Variants in SYCE1L observed in about 807,000 individuals in gnomAD.
The protein encoded by SYCE1L is synaptonemal complex central element protein 1-like.
A neutral mutation model predicts 39.6 loss-of-function variants in SYCE1L; 51 were observed. The ratio of observed to expected loss-of-function variants is 1.29; its 90% CI spans 1.03 to 1.63. The LOEUF is 1.63. Ranked by LOEUF, SYCE1L falls within the 40% of genes most tolerant of loss-of-function variation. The pLI, the probability that SYCE1L is intolerant of heterozygous loss-of-function variation, is 0.00. For missense variants in SYCE1L, 426 were observed against 304.9 expected, an observed-to-expected ratio of 1.40 and a Z score of -2.96; for synonymous variants, 147 against 122.4, an observed-to-expected ratio of 1.20 and a Z score of -1.33.
chr16:77,203,811 T>A (rs2054764596), intron 1 of SYCE1L, among the ~76,000 whole-genome samples: 2 of 151,980 alleles, frequency 1.3e-5, no homozygotes, highest in Non-Finnish European at 2.9e-5. Flanking sequence ...GCCAAGCTGG[T>A]CTCGAACTCC....
In SYCE1L at chr16:77,204,212, A is replaced by G. The variant is rs75042163; in HGVS notation, c.62-2229A>G. 6.7e-3 allele frequency among the ~76,000 whole-genome samples: 1,019 copies of G among 152,312 alleles called. 9 individuals carry two copies. The highest frequency in any genetic ancestry group is 0.023 in the African/African-American group (942 of 41,568). On this transcript the variant is annotated intron_variant, in intron 1 of 10. Transcript: ENST00000378644. ...TTGGTCCACCAGGTAGCGTCTAGGT[A>G]GTACTCTATGTGTACCCAGTAGATA...
At chr16:77,212,391 G>A in intron 9 of SYCE1L, 22 bp downstream of exon 9, 1 of 1,525,152 alleles carries the variant, frequency 6.6e-7, no homozygotes, top group Non-Finnish European at 8.8e-7. Flanking sequence ...AGGGAGGAGT[G>A]GGCGAGGAGG....
intron 1 of SYCE1L, 106 bp downstream of exon 1, chr16:77,199,618 A>G: frequency 1.0e-6 from 1 of 991,754 alleles, no homozygotes; most frequent in East Asian, 2.6e-5. Flanking sequence ...AATTTTTTTA[A>G]ATAAAATGTT....
At chr16:77,207,434 G>A (rs192138354) in intron 2 of SYCE1L, among the ~76,000 whole-genome samples, 1 of 152,296 alleles carries the variant, frequency 6.6e-6, no homozygotes, top group African/African-American at 2.4e-5. Flanking sequence ...GAAGTTAGAG[G>A]TGATTCCCTA....
At chr16:77,207,281 C>T (rs1391322413) in intron 2 of SYCE1L, among the ~76,000 whole-genome samples, 1 of 152,160 alleles carries the variant, frequency 6.6e-6, no homozygotes, top group Non-Finnish European at 1.5e-5. Context: ...AGTTTATTAA[C>T]CCCAGAGTGT....
chr16:77,206,665 A>C (rs898100447), intron 2 of SYCE1L, among the ~76,000 whole-genome samples, 165 bp downstream of exon 2: 24 of 152,158 alleles, frequency 1.6e-4, no homozygotes, highest in African/African-American at 5.1e-4. Flanking sequence ...CCCACAGTTC[A>C]AAATTCAAGA....
Position 77,207,026 on chromosome 16 carries a change from A to G in SYCE1L, c.121+526A>G, listed in dbSNP as rs766766679. On this transcript the variant is annotated intron_variant, in intron 2 of 10. Transcript: ENST00000378644. ...ATCACGTCAGTCTATTCCAAACAAA[A>G]GCAGCAGCCTCCCCGCTCCCATTCT... is the stretch of plus-strand genomic sequence containing the variant. Among the ~76,000 whole-genome samples, 7 of 152,132 alleles carry G rather than the reference A, an allele frequency of 4.6e-5. No individual in the cohort carries two copies. The East Asian group carries it at 1.4e-3, about 29-fold the overall frequency.
chr16:77,207,412 C>T (rs2054792957), intron 2 of SYCE1L, among the ~76,000 whole-genome samples: 2 of 151,856 alleles, frequency 1.3e-5, no homozygotes, highest in Admixed American at 1.3e-4. Context: ...AGCACTGAAA[C>T]AGGGGCTATG....
At chr16:77,212,721 G>A (rs2054834298) in intron 10 of SYCE1L, 75 bp downstream of exon 10, 6 of 1,447,410 alleles carry the variant, frequency 4.1e-6, no homozygotes, top group East Asian at 5.1e-5. Flanking sequence ...TCCTGGGAGC[G>A]GCCCCCGAGA....
In SYCE1L at chr16:77,206,430, C is replaced by T. The variant is rs1398143646; in HGVS notation, c.62-11C>T. 2 of 1,551,294 alleles carry T rather than the reference C, an allele frequency of 1.3e-6. No homozygotes were observed. The highest frequency in any genetic ancestry group is 1.7e-6 in the Non-Finnish European group (2 of 1,146,852). ...CGCTGTGTCCTGTAATTTTGATTTT[C>T]CTTTCTACAGGGCAAGCCAAGTCTT... On this transcript the variant is annotated splice_polypyrimidine_tract_variant and intron_variant, in intron 1 of 10. Transcript: ENST00000378644.
At chr16:77,211,352 AC>A (rs1484908868) in intron 7 of SYCE1L, 76 bp downstream of exon 7, 3 of 1,509,638 alleles carry the variant, frequency 2.0e-6, no homozygotes, top group East Asian at 4.9e-5. Flanking sequence ...CCCAGAGTCC[AC>A]CCCTGCCCAG....
At chr16:77,205,457 TAC>T (rs1410028092) in intron 1 of SYCE1L, among the ~76,000 whole-genome samples, 14 of 150,002 alleles carry the variant, frequency 9.3e-5, no homozygotes, top group African/African-American at 2.4e-4. Flanking sequence ...TATGTATACA[TAC>T]ATATTTACAT....
At chr16:77,202,480 T>A (rs1567424199) in intron 1 of SYCE1L, 2 of 152,230 alleles carry the variant, frequency 1.3e-5, no homozygotes, top group South Asian at 4.1e-4. Context: ...TTTAAAAGAT[T>A]TATTTATTAC....
At chr16:77,201,345 C>T (rs958199022) in intron 1 of SYCE1L, 2 of 152,146 alleles carry the variant, frequency 1.3e-5, no homozygotes, top group African/African-American at 4.8e-5. Flanking sequence ...ATCAACCTTT[C>T]AAATTCCTCA....
intron 6 of SYCE1L, among the ~76,000 whole-genome samples, chr16:77,210,834 T>C (rs537476219): frequency 6.6e-6 from 1 of 152,308 alleles, no homozygotes; most frequent in East Asian, 1.9e-4. Context: ...CTCCCACTCC[T>C]GCTGGAGTGA....
intron 5 of SYCE1L, 39 bp downstream of exon 5, chr16:77,209,183 C>T: frequency 6.5e-7 from 1 of 1,548,038 alleles, no homozygotes. Context: ...TTCTACTCTT[C>T]CACCCCACAA....
intron 1 of SYCE1L, chr16:77,201,783 G>A (rs1052401972): frequency 6.6e-6 from 1 of 151,944 alleles, no homozygotes; most frequent in Non-Finnish European, 1.5e-5. Context: ...TAATTTAAAT[G>A]TATTAAATTA....
intron 1 of SYCE1L, among the ~76,000 whole-genome samples, chr16:77,204,560 C>T (rs965813733): frequency 1.3e-5 from 2 of 152,074 alleles, no homozygotes; most frequent in Non-Finnish European, 2.9e-5. Flanking sequence ...TTGTGGCATG[C>T]CTTGTAACAG....
At chr16:77,205,347 T>G (rs1195409899) in intron 1 of SYCE1L, among the ~76,000 whole-genome samples, 1 of 150,818 alleles carries the variant, frequency 6.6e-6, no homozygotes, top group African/African-American at 2.4e-5. Flanking sequence ...ACTTAAGGAA[T>G]TTTTTTATGT....
Sources: gnomAD v4.1 joint callset for allele counts (sites outside exome capture counted in the v4.1 genomes callset) on GRCh38, gnomAD v4.1.1 for gene constraint, MANE v1.5 for transcripts, NCBI Gene and HGNC (gene_info 2026-07-23, HGNC 2026-07-21) for gene names.